GUCY1B1: variants seen among roughly 807,000 people sequenced by gnomAD.
The protein encoded by GUCY1B1 is guanylate cyclase soluble subunit beta-1.
In GUCY1B1, 43 loss-of-function variants were observed where a neutral mutation model predicts 71.0. The ratio of observed to expected loss-of-function variants is 0.61; its 90% CI spans 0.47 to 0.78. GUCY1B1 has a LOEUF of 0.78. Ranked by LOEUF, GUCY1B1 falls within the 30% of genes least tolerant of loss-of-function variation. The probability of loss-of-function intolerance (pLI) is 0.00; values close to 1 mark genes in which losing one functional copy is unlikely to be tolerated. For missense variants in GUCY1B1, 535 were observed against 754.1 expected (o/e 0.71, Z 3.40); for synonymous variants, 266 against 259.7 (o/e 1.02, Z -0.23).
chr4:155,783,390 G>A (rs753621854), intron 4 of GUCY1B1, among the ~76,000 whole-genome samples: 1 of 152,182 alleles, frequency 6.6e-6, no homozygotes, highest in African/African-American at 2.4e-5. Context: ...GAAAATATAC[G>A]TGGGCAAATG....
intron 4 of GUCY1B1, among the ~76,000 whole-genome samples, chr4:155,787,016 A>G (rs1421001192): frequency 1.3e-5 from 2 of 152,184 alleles, no homozygotes; most frequent in Non-Finnish European, 2.9e-5. Flanking sequence ...AGAAATGCAG[A>G]TAAAAATAAA....
chr4:155,773,037 C>G lies in GUCY1B1; in HGVS notation c.78-1931C>G, dbSNP rs113385121. 8.8e-3 allele frequency among the ~76,000 whole-genome samples: 1,341 copies of G among 152,276 alleles called. 21 individuals carry two copies. Among genetic ancestry groups the G allele is most frequent in the African/African-American group, 0.031 (1,282 of 41,552 alleles). On this transcript the variant is annotated intron_variant, in intron 2 of 13. Transcript: ENST00000264424. ...AAGGAGAGAAAGCAACTAAGGACTG[C>G]CTTGAAAATATTTAAGGAGTTATTT... is the stretch of plus-strand genomic sequence containing the variant.
At chr4:155,786,390 C>T (rs1738773777) in intron 4 of GUCY1B1, among the ~76,000 whole-genome samples, 1 of 147,794 alleles carries the variant, frequency 6.8e-6, no homozygotes. Context: ...TCTCATGCCT[C>T]AGCCTCCCAA....
chr4:155,769,126 G>T lies in GUCY1B1; in HGVS notation c.78-5842G>T, dbSNP rs372673805. On this transcript the variant is annotated intron_variant, in intron 2 of 13. Transcript: ENST00000264424. ...GAAGTATCAGGCATTAAGTGTGCAA[G>T]AAGTACTACCCTGAGATTTTTGCAT... 3.7e-4 allele frequency among the ~76,000 whole-genome samples: 56 copies of T among 152,212 alleles called. 1 individual carries two copies. The highest frequency in any genetic ancestry group is 1.2e-3 in the African/African-American group (51 of 41,530).
At chr4:155,784,104 TTTAA>T (rs1386026295) in intron 4 of GUCY1B1, among the ~76,000 whole-genome samples, 1 of 152,166 alleles carries the variant, frequency 6.6e-6, no homozygotes, top group African/African-American at 2.4e-5. Flanking sequence ...ACTGTTTTTC[TTTAA>T]TTAAAATATT....
intron 2 of GUCY1B1, among the ~76,000 whole-genome samples, chr4:155,764,991 T>C (rs949800985): frequency 2.6e-5 from 4 of 152,056 alleles, no homozygotes; most frequent in African/African-American, 9.7e-5. Flanking sequence ...AGCTGGGTCT[T>C]GGAGTCTTTA....
At chr4:155,798,716 A>G (rs945083320) in intron 8 of GUCY1B1, among the ~76,000 whole-genome samples, 1 of 152,190 alleles carries the variant, frequency 6.6e-6, no homozygotes, top group African/African-American at 2.4e-5. Flanking sequence ...CCAAAGACAT[A>G]ACTAAATTTT....
rs915802104 is a variant in GUCY1B1 at position 155,787,039 on chromosome 4, AT to A, written c.298-2665del. 6.0e-3 allele frequency among the ~76,000 whole-genome samples: 910 copies of A among 150,552 alleles called. 8 individuals are homozygous for A. Among genetic ancestry groups the A allele is most frequent in the African/African-American group, 0.021 (857 of 41,054 alleles). ...AGATAAAAATAAAACTCTCTCAGTG[AT>A]TTTTTTTTTCTCACCCGATTTTCTT... On this transcript the variant is annotated intron_variant, in intron 4 of 13. Coordinates refer to ENST00000264424, the MANE Select transcript of GUCY1B1 (RefSeq NM_000857.5).
At chr4:155,770,574 C>T (rs961786860) in intron 2 of GUCY1B1, among the ~76,000 whole-genome samples, 1 of 152,156 alleles carries the variant, frequency 6.6e-6, no homozygotes, top group African/African-American at 2.4e-5. Context: ...TATTCTCCAT[C>T]TCAGTTTAGT....
chr4:155,803,894 C>A, intron 11 of GUCY1B1, 130 bp downstream of exon 11: 1 of 540,102 alleles, frequency 1.9e-6, no homozygotes, highest in Non-Finnish European at 3.1e-6. Flanking sequence ...TATAGCATTT[C>A]ATCCAGCCCA....
At chr4:155,762,633 C>A (rs2110962127) in intron 2 of GUCY1B1, among the ~76,000 whole-genome samples, 1 of 152,252 alleles carries the variant, frequency 6.6e-6, no homozygotes, top group Middle Eastern at 3.4e-3. Context: ...TTCACAAAAG[C>A]TTTGAATTCC....
chr4:155,804,921 T>C (rs183798065), intron 12 of GUCY1B1, among the ~76,000 whole-genome samples, 174 bp downstream of exon 12: 53 of 152,336 alleles, frequency 3.5e-4, no homozygotes, highest in African/African-American at 1.1e-3. Flanking sequence ...ATTTCCATTT[T>C]ATATGATTTC....
intron 5 of GUCY1B1, among the ~76,000 whole-genome samples, chr4:155,791,830 C>T (rs1739204717): frequency 6.7e-6 from 1 of 150,264 alleles, no homozygotes; most frequent in Non-Finnish European, 1.5e-5. Flanking sequence ...ATATTGTATG[C>T]ACTGTTGGTT....
Position 155,789,920 on chromosome 4 carries a change from C to A in GUCY1B1, c.495+9C>A. 1.5e-5 allele frequency: 23 copies of A among 1,569,364 alleles called. No homozygotes were observed. Among genetic ancestry groups the A allele is most frequent in the Non-Finnish European group, 2.0e-5 (23 of 1,143,470 alleles). On this transcript the variant is annotated intron_variant, in intron 5 of 13. Transcript: ENST00000264424. ...CTGAAATAGACATGAAGGTAACAAA[C>A]AGCAATGGAGACTTCTGAACACAGA...
intron 5 of GUCY1B1, among the ~76,000 whole-genome samples, 182 bp from the exon 6 acceptor site, chr4:155,793,674 T>C (rs1449446669): frequency 6.6e-6 from 1 of 152,212 alleles, no homozygotes; most frequent in Non-Finnish European, 1.5e-5. Context: ...AATCTTCAAA[T>C]TTTATAGATC....
chr4:155,788,627 A>T (rs1292221409), intron 4 of GUCY1B1, among the ~76,000 whole-genome samples: 2 of 152,226 alleles, frequency 1.3e-5, no homozygotes, highest in African/African-American at 4.8e-5. Flanking sequence ...TCTTTCAGAG[A>T]CAGTTGTTTT....
Position 155,793,893 on chromosome 4 carries a change from A to T in GUCY1B1, c.533A>T (p.Gln178Leu). The T allele has an allele frequency of 2.6e-6, 4 of 1,567,658 alleles. No homozygotes were observed. Among genetic ancestry groups the T allele is most frequent in the Non-Finnish European group, 3.5e-6 (4 of 1,137,664 alleles). Residue 178 changes from glutamine to leucine, a missense_variant, in exon 6 of 14, where the codon CAA becomes CTA. Coordinates refer to ENST00000264424, the MANE Select transcript of GUCY1B1 (RefSeq NM_000857.5). ...QQRNEECDHTQFLIEEKESKE... is the reference protein window; with the variant it reads ...QQRNEECDHTLFLIEEKESKE... ...AGAAATGAAGAATGTGATCATACTC[A>T]ATTTTTAATTGAAGAAAAAGAGTCA...
chr4:155,776,693 C>G (rs1475450981), intron 3 of GUCY1B1, among the ~76,000 whole-genome samples: 1 of 151,742 alleles, frequency 6.6e-6, no homozygotes, highest in African/African-American at 2.4e-5. Flanking sequence ...AAATGTGATA[C>G]AGAAAATTTA....
intron 5 of GUCY1B1, 47 bp downstream of exon 5, chr4:155,789,958 A>G: frequency 1.6e-6 from 2 of 1,212,226 alleles, no homozygotes; most frequent in Non-Finnish European, 2.4e-6. Flanking sequence ...ACATCTAAAA[A>G]TATTTTAAAT....
Sources: allele counts gnomAD v4.1 joint callset (sites outside exome capture counted in the v4.1 genomes callset), GRCh38; gene constraint gnomAD v4.1.1; transcripts MANE v1.5; gene names NCBI Gene and HGNC (gene_info 2026-07-23, HGNC 2026-07-21).